The following IL1RAPL1 variants were observed in gnomAD, a reference collection of about 807,000 sequenced individuals.
IL1RAPL1 encodes the protein interleukin-1 receptor accessory protein-like 1.
In IL1RAPL1, 3 loss-of-function variants were observed where a neutral mutation model predicts 48.4. That is an observed-to-expected ratio of 0.06 (90% CI 0.03 to 0.16). The LOEUF is 0.16. Among genes scored for constraint, IL1RAPL1 ranks in the 10% least tolerant of loss-of-function variants. The probability of loss-of-function intolerance (pLI) is 1.00; values close to 1 mark genes in which losing one functional copy is unlikely to be tolerated. For missense variants in IL1RAPL1, 349 were observed against 530.6 expected (o/e 0.66, Z 3.36); for synonymous variants, 185 against 187.7 (o/e 0.99, Z 0.12).
intron 5 of IL1RAPL1, among the ~76,000 whole-genome samples, chrX:29,497,724 T>C (rs1477556817): frequency 1.8e-5 from 2 of 111,582 alleles, no homozygotes; most frequent in Admixed American, 9.5e-5. Context: ...TTTCTGGTTC[T>C]GGAGAAAATA....
intron 2 of IL1RAPL1, among the ~76,000 whole-genome samples, chrX:29,130,437 ACAAG>A (rs1928995994): frequency 8.9e-6 from 1 of 112,338 alleles, no homozygotes; most frequent in African/African-American, 3.2e-5. Flanking sequence ...TTACTTATTG[ACAAG>A]CTAACTAAGA....
intron 9 of IL1RAPL1, among the ~76,000 whole-genome samples, chrX:29,954,104 C>T (rs1403445996): frequency 1.8e-5 from 2 of 108,297 alleles, no homozygotes; most frequent in African/African-American, 3.4e-5. Flanking sequence ...GGTGTGGTGA[C>T]GTGCACCTAT....
intron 8 of IL1RAPL1, among the ~76,000 whole-genome samples, chrX:29,920,985 G>A (rs746741893): frequency 9.1e-6 from 1 of 110,455 alleles, no homozygotes; most frequent in African/African-American, 3.3e-5. Flanking sequence ...ACTTTCATTT[G>A]TACAATAGTC....
intron 6 of IL1RAPL1, among the ~76,000 whole-genome samples, chrX:29,915,362 G>A (rs1354566267): frequency 9.0e-6 from 1 of 111,685 alleles, no homozygotes; most frequent in Non-Finnish European, 1.9e-5. Flanking sequence ...GCAGACATAA[G>A]CTAAAATAGA....
chrX:28,781,909 A>G (rs1418703600), intron 1 of IL1RAPL1, among the ~76,000 whole-genome samples: 1 of 112,242 alleles, frequency 8.9e-6, no homozygotes, highest in Non-Finnish European at 1.9e-5. Flanking sequence ...AGTCATTTAA[A>G]TAACTTTGAT....
At chrX:28,780,658 A>C (rs1389483343) in intron 1 of IL1RAPL1, among the ~76,000 whole-genome samples, 1 of 110,519 alleles carries the variant, frequency 9.0e-6, no homozygotes, top group African/African-American at 3.3e-5. Context: ...AAATACATAC[A>C]TATTTTTGTA....
intron 2 of IL1RAPL1, among the ~76,000 whole-genome samples, chrX:29,020,211 T>C (rs184066693): frequency 6.2e-5 from 7 of 112,565 alleles, no homozygotes; most frequent in Admixed American, 5.6e-4. Context: ...AATAAACTAT[T>C]TTAAAATCAA....
intron 5 of IL1RAPL1, among the ~76,000 whole-genome samples, chrX:29,568,482 G>A (rs1315225060): frequency 2.7e-5 from 3 of 110,379 alleles, no homozygotes; most frequent in Admixed American, 9.6e-5. Flanking sequence ...AGCTTTTTGA[G>A]AAAAAAGTAG....
At chrX:28,766,523 A>AT (rs1936241117) in intron 1 of IL1RAPL1, among the ~76,000 whole-genome samples, 1 of 111,658 alleles carries the variant, frequency 9.0e-6, no homozygotes, top group Admixed American at 9.5e-5. Flanking sequence ...TCAAGCATTT[A>AT]TTTTTTGTGT....
At chrX:29,834,484 G>A (rs868697945) in intron 6 of IL1RAPL1, among the ~76,000 whole-genome samples, 3,094 of 95,131 alleles carry the variant, frequency 0.033, 109 homozygotes, top group African/African-American at 0.11. Flanking sequence ...GGCTGTGAAA[G>A]AAAAAGGATT....
At chrX:29,213,580 G>A (rs768401827) in intron 2 of IL1RAPL1, among the ~76,000 whole-genome samples, 1 of 112,388 alleles carries the variant, frequency 8.9e-6, no homozygotes, top group African/African-American at 3.2e-5. Flanking sequence ...GGCCTCCTGT[G>A]TCCTCTCTAA....
intron 5 of IL1RAPL1, among the ~76,000 whole-genome samples, chrX:29,500,727 C>A (rs1935263436): frequency 1.8e-5 from 2 of 111,909 alleles, no homozygotes; most frequent in Non-Finnish European, 3.8e-5. Context: ...TTGATGGGTA[C>A]CTACACTGAT....
chrX:29,182,987 G>T (rs1186513030), intron 2 of IL1RAPL1, among the ~76,000 whole-genome samples: 1 of 111,200 alleles, frequency 9.0e-6, no homozygotes, highest in Non-Finnish European at 1.9e-5. Context: ...GCTGAAAAAG[G>T]CAAACAGAAG....
intron 5 of IL1RAPL1, among the ~76,000 whole-genome samples, chrX:29,503,049 C>G (rs1488376160): frequency 1.8e-5 from 2 of 111,342 alleles, no homozygotes; most frequent in Admixed American, 9.5e-5. Flanking sequence ...CAGAATTTAT[C>G]CATTTCTTCT....
chrX:29,025,767 G>A (rs1212343226), intron 2 of IL1RAPL1, among the ~76,000 whole-genome samples: 2 of 111,539 alleles, frequency 1.8e-5, no homozygotes. Context: ...AATATGGTAA[G>A]ATAATTACGT....
chrX:28,614,998 T>C (rs1023291896), intron 1 of IL1RAPL1, among the ~76,000 whole-genome samples: 21 of 110,348 alleles, frequency 1.9e-4, no homozygotes, highest in Admixed American at 2.9e-4. Context: ...ACTCCATTCT[T>C]CTGCCTCAGC....
intron 2 of IL1RAPL1, among the ~76,000 whole-genome samples, chrX:29,116,269 A>G (rs1467403919): frequency 1.8e-5 from 2 of 111,172 alleles, no homozygotes; most frequent in African/African-American, 6.5e-5. Flanking sequence ...GACATGATCA[A>G]AATGATACTT....
chrX:29,615,272 T>C (rs1924251597), intron 5 of IL1RAPL1, among the ~76,000 whole-genome samples: 1 of 112,087 alleles, frequency 8.9e-6, no homozygotes, highest in Admixed American at 9.5e-5. Flanking sequence ...CCTGGCCTAA[T>C]ATTACGACTT....
At chrX:28,619,044 T>C (rs1383837862) in intron 1 of IL1RAPL1, among the ~76,000 whole-genome samples, 1 of 112,111 alleles carries the variant, frequency 8.9e-6, no homozygotes, top group African/African-American at 3.2e-5. Flanking sequence ...TCAAAGAAGT[T>C]TGCAGGTTCA....
Sources: gnomAD v4.1 joint callset for allele counts (sites outside exome capture counted in the v4.1 genomes callset) on GRCh38, gnomAD v4.1.1 for gene constraint, MANE v1.5 for transcripts, NCBI Gene and HGNC (gene_info 2026-07-23, HGNC 2026-07-21) for gene names.